The following ANKRD12 variants were observed in gnomAD, a reference collection of about 807,000 sequenced individuals.
The protein encoded by ANKRD12 is ankyrin repeat domain-containing protein 12.
Under a neutral mutation model 183.4 loss-of-function variants are expected in ANKRD12, and 85 were observed. The ratio of observed to expected loss-of-function variants is 0.46; its 90% CI spans 0.39 to 0.56. The LOEUF is 0.56. Among genes scored for constraint, ANKRD12 ranks in the 20% least tolerant of loss-of-function variants. The probability of loss-of-function intolerance (pLI) is 0.00; values close to 1 mark genes in which losing one functional copy is unlikely to be tolerated. For missense variants in ANKRD12, 2,405 were observed against 2,357.1 expected (o/e 1.02, Z -0.42); for synonymous variants, 914 against 800.2 (o/e 1.14, Z -2.40).
chr18:9,282,528 G>C lies in ANKRD12; in HGVS notation c.*1402G>C, dbSNP rs2040137467. On this transcript the variant is annotated 3_prime_UTR_variant, in exon 13 of 13. Transcript: ENST00000262126. ...AAATTAAATATTCAGGAATATTTCA[G>C]GTCTGAAATCTGCTGCTGAACTTGT... 1 of 152,436 alleles carries C rather than the reference G, an allele frequency of 6.6e-6. No homozygotes were observed. Among genetic ancestry groups the C allele is most frequent in the Non-Finnish European group, 1.5e-5 (1 of 67,972 alleles). The allele number at this position is 152,436 out of a possible 1,614,324, so 9.4% of individuals were successfully genotyped here.
intron 8 of ANKRD12, among the ~76,000 whole-genome samples, chr18:9,244,504 A>T (rs1055630321): frequency 1.6e-4 from 25 of 152,084 alleles, no homozygotes; most frequent in East Asian, 1.5e-3. Context: ...GATTTTGATT[A>T]AAAAAAATCC....
chr18:9,256,831 G>A lies in ANKRD12; in HGVS notation c.3564G>A (p.Arg1188=), dbSNP rs1430255771. 6.2e-7 allele frequency: 1 copy of A among 1,613,880 alleles called. No individual in the cohort carries two copies. Among genetic ancestry groups the A allele is most frequent in the Non-Finnish European group, 8.5e-7 (1 of 1,179,926 alleles). Reference sequence around the variant, plus strand: ...TTGTTTCAGATAATAGCTTAAACAGGTCTCCTAGATCAGAAAATGAAAAGC... The same window carrying A: ...TTGTTTCAGATAATAGCTTAAACAGATCTCCTAGATCAGAAAATGAAAAGC... ...SSFVSDNSLN[R]SPRSENEKPG... Residue 1188 remains arginine, a synonymous_variant, in exon 9 of 13, where the codon AGG becomes AGA. Coordinates refer to ENST00000262126, the MANE Select transcript of ANKRD12 (RefSeq NM_015208.5).
At chr18:9,216,394 T>C (rs944434129) in intron 6 of ANKRD12, among the ~76,000 whole-genome samples, 1 of 152,208 alleles carries the variant, frequency 6.6e-6, no homozygotes, top group African/African-American at 2.4e-5. Context: ...AAGAGTACAG[T>C]ATATAATACA....
chr18:9,200,757 A>G (rs2144499936), intron 3 of ANKRD12: 1 of 152,370 alleles, frequency 6.6e-6, no homozygotes, highest in Non-Finnish European at 1.5e-5. Context: ...TAAATTAAAC[A>G]TAACCAAAAA....
intron 7 of ANKRD12, among the ~76,000 whole-genome samples, chr18:9,221,572 T>C (rs137925931): frequency 1.3e-5 from 2 of 152,182 alleles, no homozygotes; most frequent in Non-Finnish European, 2.9e-5. Flanking sequence ...TATTTGACTT[T>C]ATGATGGAAC....
chr18:9,156,403 A>G (rs1264447749), intron 1 of ANKRD12, among the ~76,000 whole-genome samples: 1 of 152,200 alleles, frequency 6.6e-6, no homozygotes, highest in South Asian at 2.1e-4. Flanking sequence ...CAGTATTGAT[A>G]CAAGAATGGA....
At chr18:9,188,370 A>G (rs373723511) in intron 2 of ANKRD12, among the ~76,000 whole-genome samples, 2 of 152,166 alleles carry the variant, frequency 1.3e-5, no homozygotes, top group African/African-American at 2.4e-5. Context: ...TTAGAGGGAG[A>G]CACTACCTCT....
At chr18:9,250,382 G>A (rs148376165) in intron 8 of ANKRD12, among the ~76,000 whole-genome samples, 1 of 152,278 alleles carries the variant, frequency 6.6e-6, no homozygotes, top group East Asian at 1.9e-4. Flanking sequence ...ATGAGACCCT[G>A]AGCTGAGACA....
chr18:9,263,740 T>C (rs1294840865), intron 9 of ANKRD12, 50 bp from the exon 10 acceptor site: 1 of 1,341,272 alleles, frequency 7.5e-7, no homozygotes, highest in African/African-American at 1.5e-5. Context: ...AATAGCCCAT[T>C]ATTGTAAATA....
chr18:9,159,226 T>C (rs887665588), intron 1 of ANKRD12, among the ~76,000 whole-genome samples: 1 of 149,586 alleles, frequency 6.7e-6, no homozygotes, highest in Admixed American at 6.6e-5. Context: ...TAAGGAAATA[T>C]ATGTGTATAT....
At chr18:9,198,589 G>A (rs2034980820) in intron 3 of ANKRD12, among the ~76,000 whole-genome samples, 4 of 152,082 alleles carry the variant, frequency 2.6e-5, no homozygotes, top group South Asian at 4.2e-4. Context: ...TCACTCTGTC[G>A]CCCAGGCTGG....
chr18:9,214,927 A>T (rs1474000146), intron 6 of ANKRD12, among the ~76,000 whole-genome samples: 1 of 152,178 alleles, frequency 6.6e-6, no homozygotes, highest in Non-Finnish European at 1.5e-5. Flanking sequence ...TGAAGAAAAC[A>T]TGAAGTCATT....
intron 8 of ANKRD12, among the ~76,000 whole-genome samples, chr18:9,245,125 A>T (rs542410038): frequency 2.0e-5 from 3 of 152,286 alleles, no homozygotes; most frequent in African/African-American, 7.2e-5. Flanking sequence ...CAATGTAAAG[A>T]TAGTTTTTTC....
At position 9,175,523 on chromosome 18, in the gene ANKRD12, C is replaced by CTTTTTTTTTTTT; in HGVS notation, c.-51-6842_-51-6831dup. 1.7e-3 allele frequency among the ~76,000 whole-genome samples: 88 copies of CTTTTTTTTTTTT among 53,312 alleles called. 25 individuals are homozygous for CTTTTTTTTTTTT. Among genetic ancestry groups the CTTTTTTTTTTTT allele is most frequent in the East Asian group, 2.1e-3 (3 of 1,460 alleles). The allele number at this position is 53,312 out of a possible 152,430, so 35.0% of individuals were successfully genotyped here. On this transcript the variant is annotated intron_variant, in intron 1 of 12. Transcript: ENST00000262126. The stretch of plus-strand genomic sequence containing the variant: ...CTTGATCAGTTTTTCAAAGGCTCCT[C>CTTTTTTTTTTTT]TTTTTTTTTTTTTTTTTTTTTTTTT...
chr18:9,146,320 C>T (rs1598386398), intron 1 of ANKRD12, among the ~76,000 whole-genome samples: 1 of 152,004 alleles, frequency 6.6e-6, no homozygotes, highest in Non-Finnish European at 1.5e-5. Flanking sequence ...TCCAGCTACT[C>T]CAGGAGGTTG....
chr18:9,144,666 T>C (rs892427587), intron 1 of ANKRD12, among the ~76,000 whole-genome samples: 1 of 152,218 alleles, frequency 6.6e-6, no homozygotes, highest in African/African-American at 2.4e-5. Context: ...GCAAAAATCT[T>C]AACGAGGTTT....
At position 9,279,589 on chromosome 18, in the gene ANKRD12, C is replaced by G; in HGVS notation, c.5948C>G (p.Ala1983Gly). The change falls in exon 12 of 13, where the codon GCA becomes GGA. Residue 1983 changes from alanine (A) to glycine (G), a missense_variant. By Grantham distance (60) the Ala-to-Gly change is moderately conservative (BLOSUM62 0). This residue lies in a region of ANKRD12 where 162 missense variants were observed against 272.2 expected (regional missense o/e 0.60). Transcript: ENST00000262126. Reference protein sequence around the residue: ...SKTSVRDRFNARQFMSWLQDV... With the variant: ...SKTSVRDRFNGRQFMSWLQDV... ...ACTTCTGTGAGGGATCGCTTTAATGCAAGACAATTCATGTCTTGGTTACAA... is the reference window on the plus strand; with the variant it reads ...ACTTCTGTGAGGGATCGCTTTAATGGAAGACAATTCATGTCTTGGTTACAA... 6.2e-7 allele frequency: 1 copy of G among 1,606,914 alleles called. No homozygotes were observed. Among genetic ancestry groups the G allele is most frequent in the Non-Finnish European group, 8.5e-7 (1 of 1,177,892 alleles).
In ANKRD12 at chr18:9,137,049, A is replaced by T. The variant is rs147420162; in HGVS notation, c.-52+84A>T. 0.013 allele frequency: 2,042 copies of T among 152,376 alleles called. 23 individuals are homozygous for T. Among genetic ancestry groups the T allele is most frequent in the Non-Finnish European group, 0.022 (1,480 of 68,366 alleles). The allele number at this position is 152,376 out of a possible 1,614,324, so 9.4% of individuals were successfully genotyped here. On this transcript the variant is annotated intron_variant, in intron 1 of 12. Transcript: ENST00000262126. ...GAGCTTGTCCCCGGCGCCAGGGAGG[A>T]GATCCCCTCAGTTCTGCGCTGCTCC...
Position 9,254,677 on chromosome 18 carries a change from C to G in ANKRD12, c.1410C>G (p.Gly470=), listed in dbSNP as rs753647082. Residue 470 remains glycine (G), a synonymous_variant, in exon 9 of 13, where the codon GGC becomes GGG. Transcript: ENST00000262126. ...YVVSGEHKQK[G]KVKRKLKNQN... ...TTTCAGGTGAACACAAACAGAAAGGCAAAGTTAAAAGAAAATTGAAAAATC... is the reference window on the plus strand; with the variant it reads ...TTTCAGGTGAACACAAACAGAAAGGGAAAGTTAAAAGAAAATTGAAAAATC... 4.6e-6 allele frequency: 7 copies of G among 1,510,818 alleles called. No individual in the cohort carries two copies. The highest frequency in any genetic ancestry group is 6.2e-6 in the Non-Finnish European group (7 of 1,130,384). 93.6% of individuals were successfully genotyped at this position (1,510,818 alleles called of 1,614,324 possible). A position where few individuals can be genotyped will look rare whatever the true frequency, so the allele number is the denominator to read the frequency against.
Sources: gnomAD v4.1 joint callset for allele counts (sites outside exome capture counted in the v4.1 genomes callset) on GRCh38, gnomAD v4.1.1 for gene constraint, gnomAD v4.1.1 regional missense constraint, MANE v1.5 for transcripts, NCBI Gene and HGNC (gene_info 2026-07-23, HGNC 2026-07-21) for gene names.